The following SOX6 variants were observed in gnomAD, a reference collection of about 807,000 sequenced individuals.
SOX6 encodes the protein transcription factor SOX-6.
SOX6 carries 11 observed loss-of-function variants against 97.8 expected under a neutral mutation model. The observed-to-expected ratio is 0.11, with a 90% CI of 0.07 to 0.19. SOX6 has a LOEUF of 0.19. Among genes scored for constraint, SOX6 ranks in the 10% least tolerant of loss-of-function variants. The pLI is 1.00. For synonymous variants in SOX6, 360 were observed against 371.4 expected, an observed-to-expected ratio of 0.97 and a Z score of 0.35; for missense variants, 810 against 1,039.5, an observed-to-expected ratio of 0.78 and a Z score of 3.04.
intron 1 of SOX6, among the ~76,000 whole-genome samples, chr11:16,385,095 GTTA>G (rs1479471929): frequency 1.3e-5 from 2 of 152,060 alleles, no homozygotes; most frequent in Non-Finnish European, 2.9e-5. Context: ...AAGTACTGTT[GTTA>G]TTATTATCAG....
chr11:16,046,700 A>G lies in SOX6; in HGVS notation c.1437T>C (p.Asp479=). 1 of 1,613,074 alleles carries G rather than the reference A, an allele frequency of 6.2e-7. No individual in the cohort carries two copies. The highest frequency in any genetic ancestry group is 8.5e-7 in the Non-Finnish European group (1 of 1,179,648). The change falls in exon 12 of 16, where the codon GAT becomes GAC. Residue 479 remains aspartate, a splice_region_variant and synonymous_variant. Transcript: ENST00000683767. ...CAGGGGAGTTGAGACTAGATAGGATATCTGCATACACAGGATGCATTATTA... is the reference window on the plus strand; with the variant it reads ...CAGGGGAGTTGAGACTAGATAGGATGTCTGCATACACAGGATGCATTATTA... The part of the protein sequence containing the change: ...GGSLGRGSSL[D]ILSSLNSPAL...
At chr11:16,455,230 T>C (rs1298144031) in intron 1 of SOX6, among the ~76,000 whole-genome samples, 3 of 152,062 alleles carry the variant, frequency 2.0e-5, no homozygotes, top group Non-Finnish European at 2.9e-5. Context: ...AGTTTTATTG[T>C]CTGTGTCTTT....
chr11:16,661,989 G>C (rs1847769340), intron 3 of SOX6, among the ~76,000 whole-genome samples: 1 of 151,994 alleles, frequency 6.6e-6, no homozygotes, highest in African/African-American at 2.4e-5. Context: ...TTATCTATAA[G>C]CTATATTCAC....
chr11:16,242,735 A>G (rs1263748866), intron 3 of SOX6, among the ~76,000 whole-genome samples: 1 of 151,858 alleles, frequency 6.6e-6, no homozygotes, highest in African/African-American at 2.4e-5. Context: ...AATTGACTTT[A>G]TAGTTAATGC....
intron 6 of SOX6, among the ~76,000 whole-genome samples, chr11:16,153,591 A>T (rs558430260): frequency 7.8e-4 from 118 of 152,248 alleles, no homozygotes; most frequent in African/African-American, 2.7e-3. Flanking sequence ...AACACATAAG[A>T]CTGAAACCCA....
intron 9 of SOX6, among the ~76,000 whole-genome samples, chr11:16,093,481 A>G (rs1467050798): frequency 2.0e-5 from 3 of 152,022 alleles, no homozygotes; most frequent in African/African-American, 7.2e-5. Context: ...TATACTTAAT[A>G]TATACCAAAT....
At chr11:16,367,984 A>G (rs1857400153) in intron 1 of SOX6, among the ~76,000 whole-genome samples, 1 of 152,156 alleles carries the variant, frequency 6.6e-6, no homozygotes, top group African/African-American at 2.4e-5. Flanking sequence ...TTATAACAAA[A>G]CATTATTAAT....
intron 1 of SOX6, among the ~76,000 whole-genome samples, chr11:16,353,226 G>A (rs1041883561): frequency 5.9e-5 from 9 of 152,036 alleles, no homozygotes; most frequent in South Asian, 2.1e-4. Context: ...TACAAAAGTC[G>A]GTGTTGAGAA....
intron 3 of SOX6, among the ~76,000 whole-genome samples, chr11:16,685,352 A>G (rs1847961293): frequency 6.6e-6 from 1 of 152,234 alleles, no homozygotes; most frequent in South Asian, 2.1e-4. Context: ...TCTAACCATG[A>G]GCCTGTAAAC....
chr11:16,258,842 CACATATATAT>C (rs938893062), intron 3 of SOX6, among the ~76,000 whole-genome samples: 14 of 151,440 alleles, frequency 9.2e-5, no homozygotes, highest in Non-Finnish European at 1.3e-4. Flanking sequence ...CACACACACA[CACATATATAT>C]ACATATATAT....
At chr11:16,231,294 T>C (rs1279405920) in intron 4 of SOX6, among the ~76,000 whole-genome samples, 1 of 151,770 alleles carries the variant, frequency 6.6e-6, no homozygotes, top group Non-Finnish European at 1.5e-5. Context: ...CACTGAGAAC[T>C]GGACAAGTCT....
intron 7 of SOX6, among the ~76,000 whole-genome samples, chr11:16,102,342 A>G (rs551293210): frequency 7.2e-5 from 11 of 152,098 alleles, no homozygotes; most frequent in Non-Finnish European, 1.0e-4. Context: ...AGACCTCTAC[A>G]AGAAAACTAC....
chr11:16,283,019 G>GTATATATATA (rs10581082), intron 3 of SOX6, among the ~76,000 whole-genome samples: 2 of 133,166 alleles, frequency 1.5e-5, no homozygotes, highest in African/African-American at 5.7e-5. Flanking sequence ...TGAGATGTGA[G>GTATATATATA]TATATATATA....
chr11:15,979,340 G>A (rs550956198), intron 15 of SOX6, among the ~76,000 whole-genome samples: 99 of 151,772 alleles, frequency 6.5e-4, no homozygotes, highest in African/African-American at 2.3e-3. Context: ...TACAAACCTG[G>A]AACAAACCAC....
At chr11:16,138,241 ACT>A (rs1331938970) in intron 6 of SOX6, among the ~76,000 whole-genome samples, 1 of 152,204 alleles carries the variant, frequency 6.6e-6, no homozygotes, top group Non-Finnish European at 1.5e-5. Context: ...TCCATACTTA[ACT>A]AATCTATACA....
At chr11:16,675,866 T>C (rs1224908155) in intron 3 of SOX6, among the ~76,000 whole-genome samples, 4 of 152,230 alleles carry the variant, frequency 2.6e-5, no homozygotes, top group African/African-American at 9.6e-5. Context: ...CTTTTAAGAT[T>C]ATTTTTGCTT....
intron 15 of SOX6, among the ~76,000 whole-genome samples, chr11:15,984,070 G>A (rs1018943590): frequency 1.3e-5 from 2 of 152,110 alleles, no homozygotes; most frequent in Admixed American, 6.6e-5. Context: ...TCACCTTTCT[G>A]TAGCCATAGA....
chr11:16,089,293 G>C (rs1232577912), intron 9 of SOX6, among the ~76,000 whole-genome samples: 2 of 151,940 alleles, frequency 1.3e-5, no homozygotes, highest in African/African-American at 2.4e-5. Context: ...AAAACCGGGG[G>C]GAAAGCGTTA....
intron 3 of SOX6, among the ~76,000 whole-genome samples, chr11:16,303,032 T>C (rs1316723051): frequency 6.6e-6 from 1 of 152,146 alleles, no homozygotes; most frequent in East Asian, 1.9e-4. Context: ...TTTACTTCTC[T>C]CCAACCCAGG....
Sources: allele counts gnomAD v4.1 joint callset (sites outside exome capture counted in the v4.1 genomes callset), GRCh38; gene constraint gnomAD v4.1.1; transcripts MANE v1.5; gene names NCBI Gene and HGNC (gene_info 2026-07-23, HGNC 2026-07-21).